The following SPAG9 variants were observed in gnomAD, a reference collection of about 807,000 sequenced individuals.
SPAG9 encodes the protein sperm associated antigen 9.
A neutral mutation model predicts 166.5 loss-of-function variants in SPAG9; 35 were observed. The observed-to-expected ratio is 0.21, with a 90% confidence interval of 0.16 to 0.28. The LOEUF (loss-of-function observed/expected upper bound fraction) is 0.28, where lower values mean the gene tolerates loss of function less well. Ranked by LOEUF, SPAG9 falls within the 10% of genes least tolerant of loss-of-function variation. SPAG9 has a pLI of 1.00. For missense variants in SPAG9, 1,235 were observed against 1,603.3 expected (o/e 0.77, Z 3.92); for synonymous variants, 534 against 565.5 (o/e 0.94, Z 0.79).
intron 1 of SPAG9, among the ~76,000 whole-genome samples, chr17:51,119,848 G>C (rs1375509769): frequency 1.3e-5 from 2 of 152,142 alleles, no homozygotes; most frequent in African/African-American, 4.8e-5. Flanking sequence ...TTCTCAACAA[G>C]ATTAAAACGT....
At chr17:50,990,392 G>T (rs2143820971) in intron 20 of SPAG9, 58 bp downstream of exon 20, 2 of 1,217,342 alleles carry the variant, frequency 1.6e-6, no homozygotes, top group East Asian at 2.3e-5. Context: ...TCCATAATGA[G>T]GCATCTGAGT....
chr17:51,083,238 T>C (rs904887588), intron 1 of SPAG9, among the ~76,000 whole-genome samples: 4 of 150,492 alleles, frequency 2.7e-5, no homozygotes, highest in South Asian at 2.1e-4. Context: ...TTTCTTTTTT[T>C]TTTTTTTCTT....
Position 50,993,935 on chromosome 17 carries a change from C to T in SPAG9, c.2227G>A (p.Glu743Lys). The change falls in exon 19 of 30, where the codon GAA becomes AAA. Residue 743 changes from glutamate to lysine, a missense_variant and splice_region_variant. Physicochemically the swap from Glu to Lys is moderately conservative, Grantham distance 56. Transcript: ENST00000262013. ...TGATTTTTTAACTCCTTCTGCTGTT[C>T]CTGTATAGGCAAAGGAGGAAAAATG... Reference protein sequence around the residue: ...SLDKLDQELKEQQKELKNQEE... With the variant: ...SLDKLDQELKKQQKELKNQEE... The T allele has an allele frequency of 6.2e-7, 1 of 1,613,150 alleles. No individual in the cohort carries two copies. The highest frequency in any genetic ancestry group is 8.5e-7 in the Non-Finnish European group (1 of 1,179,358).
At chr17:51,077,101 GCTAGCTATCTAGCTATCTAGCTAGCTAT>G (rs2048035798) in intron 2 of SPAG9, among the ~76,000 whole-genome samples, 1 of 102,076 alleles carries the variant, frequency 9.8e-6, no homozygotes, top group East Asian at 2.4e-4. Context: ...TATCTATCTA[GCTAGCTATCTAGCTATCTAGCTAGCTAT>G]CTATCTATTT....
At chr17:51,104,297 T>C (rs2048880863) in intron 1 of SPAG9, among the ~76,000 whole-genome samples, 2 of 152,182 alleles carry the variant, frequency 1.3e-5, no homozygotes, top group South Asian at 4.1e-4. Context: ...CTCACCACTG[T>C]ATGCCCAATG....
chr17:51,109,180 C>A (rs114930098), intron 1 of SPAG9, among the ~76,000 whole-genome samples: 3,485 of 152,074 alleles, frequency 0.023, 113 homozygotes, highest in African/African-American at 0.069. Context: ...AATTTTAAAA[C>A]AAAATTAGCC....
intron 1 of SPAG9, among the ~76,000 whole-genome samples, chr17:51,106,886 A>G (rs2048965711): frequency 6.6e-6 from 1 of 151,772 alleles, no homozygotes; most frequent in Non-Finnish European, 1.5e-5. Context: ...TGCAGATCAC[A>G]AGGTCAGGAG....
intron 5 of SPAG9, among the ~76,000 whole-genome samples, chr17:51,037,421 T>C (rs999111973): frequency 3.3e-5 from 5 of 151,602 alleles, no homozygotes; most frequent in Non-Finnish European, 5.9e-5. Context: ...GTCAAGAGCC[T>C]GGCCAACATG....
intron 1 of SPAG9, among the ~76,000 whole-genome samples, chr17:51,107,271 G>A (rs982460209): frequency 2.6e-5 from 4 of 151,936 alleles, no homozygotes; most frequent in African/African-American, 9.7e-5. Flanking sequence ...CAGGAAGGCC[G>A]GATGCAGTGG....
At chr17:51,037,702 GTGTGTGTGTGTGTGTGTGTA>G (rs2046671543) in intron 5 of SPAG9, among the ~76,000 whole-genome samples, 1 of 108,320 alleles carries the variant, frequency 9.2e-6, no homozygotes, top group African/African-American at 3.0e-5. Flanking sequence ...GTGTGTGTGT[GTGTGTGTGTGTGTGTGTGTA>G]TAAACATTTT....
chr17:51,004,103 G>A lies in SPAG9; in HGVS notation c.1476+1109C>T, dbSNP rs187569013. Reference sequence around the variant, plus strand: ...GCTGGTCTCCAAGACTAAATGTAGTGTGAAACACAAAAAAGGAAAAATTAA... The same window carrying A: ...GCTGGTCTCCAAGACTAAATGTAGTATGAAACACAAAAAAGGAAAAATTAA... On this transcript the variant is annotated intron_variant, in intron 12 of 29. Transcript: ENST00000262013. Among the ~76,000 whole-genome samples, 418 of 152,274 alleles carry A rather than the reference G, an allele frequency of 2.7e-3. 2 individuals carry two copies. Among genetic ancestry groups the A allele is most frequent in the African/African-American group, 9.6e-3 (398 of 41,546 alleles).
rs148646346 is a variant in SPAG9, at chr17:51,100,823, G to T, written c.303+19531C>A. Among the ~76,000 whole-genome samples the T allele has an allele frequency of 6.0e-4, 92 of 152,180 alleles. 1 individual carries two copies. Among genetic ancestry groups the T allele is most frequent in the East Asian group, 1.7e-3 (9 of 5,156 alleles). On this transcript the variant is annotated intron_variant, in intron 1 of 29. Transcript: ENST00000262013. ...AATCCCAGCTACTTGGGAGGCTGAG[G>T]CAAGAGAATCGCTTGAACCTGGCGG...
chr17:51,037,689 T>TATATATATATATATATATATATATATATA (rs1568028348), intron 5 of SPAG9, among the ~76,000 whole-genome samples: 7 of 82,576 alleles, frequency 8.5e-5, no homozygotes, highest in Admixed American at 1.3e-4. Context: ...ATATATAGTG[T>TATATATATATATATATATATATATATATA]GTGTGTGTGT....
chr17:51,068,437 A>T (rs1399937152), intron 2 of SPAG9, among the ~76,000 whole-genome samples: 1 of 152,238 alleles, frequency 6.6e-6, no homozygotes, highest in African/African-American at 2.4e-5. Context: ...AAAGAATCCC[A>T]GCGGTAGAAA....
chr17:51,077,021 T>TCTAGCTAGCTATCTAGCTAG (rs1249662126), intron 2 of SPAG9, among the ~76,000 whole-genome samples: 5 of 76,122 alleles, frequency 6.6e-5, no homozygotes, highest in Non-Finnish European at 1.3e-4. Context: ...TAGCTAGCTA[T>TCTAGCTAGCTATCTAGCTAG]CTAGCTATCT....
At chr17:50,988,925 T>G (rs1975295184) in intron 21 of SPAG9, among the ~76,000 whole-genome samples, 1 of 152,168 alleles carries the variant, frequency 6.6e-6, no homozygotes. Flanking sequence ...TGTGGGAAAC[T>G]TGTACAATGG....
chr17:51,000,794 G>GTCCACTT (rs2044911802), intron 13 of SPAG9, among the ~76,000 whole-genome samples: 1 of 150,862 alleles, frequency 6.6e-6, no homozygotes, highest in African/African-American at 2.4e-5. Flanking sequence ...AATAAATAAG[G>GTCCACTT]TCCACTTTCA....
intron 1 of SPAG9, among the ~76,000 whole-genome samples, chr17:51,101,345 C>CAAA (rs60896400): frequency 7.6e-5 from 7 of 91,996 alleles, no homozygotes; most frequent in East Asian, 3.9e-4. Flanking sequence ...GATTCTGTCT[C>CAAA]AAAAAAAAAA....
intron 2 of SPAG9, among the ~76,000 whole-genome samples, chr17:51,075,195 C>CAAA (rs57533555): frequency 0.012 from 349 of 27,924 alleles, no homozygotes; most frequent in Non-Finnish European, 0.013. Flanking sequence ...GACTCCATCT[C>CAAA]AAAAAAAAAA....
Sources: gnomAD v4.1 joint callset for allele counts (sites outside exome capture counted in the v4.1 genomes callset) on GRCh38, gnomAD v4.1.1 for gene constraint, MANE v1.5 for transcripts, NCBI Gene and HGNC (gene_info 2026-07-23, HGNC 2026-07-21) for gene names.